Variants in AP4M1 observed in about 807,000 individuals in gnomAD.
The protein encoded by AP4M1 is adaptor related protein complex 4 subunit mu 1.
Under a neutral mutation model 62.4 loss-of-function variants are expected in AP4M1, and 58 were observed. The ratio of observed to expected loss-of-function variants is 0.93; its 90% confidence interval spans 0.75 to 1.16. AP4M1 has a LOEUF of 1.16. Among genes scored for constraint, AP4M1 ranks in the 50% most tolerant of loss-of-function variants. The pLI is 0.00. For synonymous variants in AP4M1, 290 were observed against 239.7 expected, an observed-to-expected ratio of 1.21 and a Z score of -1.94; for missense variants, 626 against 585.4, an observed-to-expected ratio of 1.07 and a Z score of -0.72.
Position 100,108,607 on chromosome 7 carries a change from GGTGACACTC to G in AP4M1, c.*1726_*1734del, listed in dbSNP as rs1458532010. On this transcript the variant is annotated 3_prime_UTR_variant, in exon 15 of 15. Transcript: ENST00000359593. Reference sequence around the variant, plus strand: ...AAAAAAGCCAGGTAGAGGGAGGGCTGGTGACACTCTTGAGAAGAACCTTGGGGATGGGGT... The same window carrying G: ...AAAAAAGCCAGGTAGAGGGAGGGCTGTTGAGAAGAACCTTGGGGATGGGGT... The G allele has an allele frequency of 6.6e-7, 1 of 1,516,614 alleles. No homozygotes were observed. The highest frequency in any genetic ancestry group is 8.9e-7 in the Non-Finnish European group (1 of 1,125,596). The allele number at this position is 1,516,614 out of a possible 1,614,324, so 93.9% of individuals were successfully genotyped here.
At position 100,107,204 on chromosome 7, in the gene AP4M1, A is replaced by G. The variant is rs1050542; in HGVS notation, c.*322A>G. On this transcript the variant is annotated 3_prime_UTR_variant, in exon 15 of 15. Transcript: ENST00000359593. The stretch of plus-strand genomic sequence containing the variant: ...CATGTGTGTACGTGCACGTGTGTAC[A>G]TGTCTGCATGTGTGGGAATCCGGGG... The G allele has an allele frequency of 0.58, 877,540 of 1,518,228 alleles. 258,098 individuals carry two copies. The highest frequency in any genetic ancestry group is 0.87 in the East Asian group (38,311 of 44,080). The allele number at this position is 1,518,228 out of a possible 1,614,324, so 94.0% of individuals were successfully genotyped here. A position where few individuals can be genotyped will look rare whatever the true frequency, so the allele number is the denominator to read the frequency against.
chr7:100,102,632 C>T (rs747819538), intron 2 of AP4M1, 43 bp from the exon 3 acceptor site: 2 of 1,575,732 alleles, frequency 1.3e-6, no homozygotes, highest in African/African-American at 1.3e-5. Flanking sequence ...ATCACTCCAC[C>T]TCCCTTTTTT....
chr7:100,105,675 G>C, intron 11 of AP4M1, 136 bp downstream of exon 11: 2 of 949,636 alleles, frequency 2.1e-6, no homozygotes, highest in Non-Finnish European at 3.3e-6. Context: ...GGTTGCGGCC[G>C]GTGGCTCACA....
Position 100,107,449 on chromosome 7 carries a change from G to T in AP4M1, c.*567G>T, listed in dbSNP as rs371453033. The T allele has an allele frequency of 3.4e-5, 55 of 1,612,766 alleles. No individual in the cohort carries two copies. The highest frequency in any genetic ancestry group is 6.6e-5 in the South Asian group (6 of 91,032). ...CCTTTGCCCTCCCCTGTTGGGGGAA[G>T]TGAGACCACGATGTACTTCTGGACA... On this transcript the variant is annotated 3_prime_UTR_variant, in exon 15 of 15. Transcript: ENST00000359593.
intron 4 of AP4M1, 101 bp downstream of exon 4, chr7:100,103,061 C>CTTTTTTT (rs55764736): frequency 6.8e-5 from 36 of 530,806 alleles, no homozygotes; most frequent in African/African-American, 2.4e-4. Context: ...CCAAGTCTAC[C>CTTTTTTT]TTTTTTTTTT....
upstream of AP4M1, chr7:100,101,400 C>G: frequency 6.1e-6 from 9 of 1,473,560 alleles, no homozygotes; most frequent in Middle Eastern, 1.8e-4. Context: ...CCGAAATTGG[C>G]GCGAAACGTC....
At chr7:100,104,206 C>T in intron 7 of AP4M1, 52 bp downstream of exon 7, 2 of 1,534,860 alleles carry the variant, frequency 1.3e-6, no homozygotes, top group South Asian at 2.2e-5. Context: ...ACTTGGGAAA[C>T]ATGGTGGGGT....
chr7:100,108,507 G>A lies in AP4M1; in HGVS notation c.*1625G>A, dbSNP rs1243610666. ...TAGGCGTCCTGATTGTCAGGCGGTG[G>A]GCGCAGCTTTGCCAGAACAGGAGCA... On this transcript the variant is annotated 3_prime_UTR_variant, in exon 15 of 15. Coordinates refer to ENST00000359593, the MANE Select transcript of AP4M1 (RefSeq NM_004722.4). 12 of 1,612,700 alleles carry A rather than the reference G, an allele frequency of 7.4e-6. No individual in the cohort carries two copies. The highest frequency in any genetic ancestry group is 1.6e-4 in the Middle Eastern group (1 of 6,080).
Position 100,102,506 on chromosome 7 carries a change from A to G in AP4M1, c.148-169A>G, listed in dbSNP as rs1796133723. On this transcript the variant is annotated intron_variant, in intron 2 of 14. Coordinates refer to ENST00000359593, the MANE Select transcript of AP4M1 (RefSeq NM_004722.4). ...CAACTCGGGGTAGTTAGTGTAATTA[A>G]CCCCCTTTCCACATTGGGAAGCTGG... The G allele has an allele frequency of 4.4e-6, 3 of 676,608 alleles. No homozygotes were observed. The South Asian group carries it at 4.9e-5, about 11-fold the overall frequency. The allele number at this position is 676,608 out of a possible 1,614,324, so 41.9% of individuals were successfully genotyped here.
rs750288466 is a variant in AP4M1 at position 100,106,299 on chromosome 7, T to C, written c.1025+8T>C. The C allele has an allele frequency of 1.2e-6, 2 of 1,613,756 alleles. No homozygotes were observed. Among genetic ancestry groups the C allele is most frequent in the Non-Finnish European group, 1.7e-6 (2 of 1,179,768 alleles). ...GCCTCGAGGGGTGGTCAGGTGAGTG[T>C]GTGCACCCACCACGGGGAGATTCCT... On this transcript the variant is annotated splice_region_variant and intron_variant, in intron 13 of 14. Transcript: ENST00000359593.
Position 100,107,780 on chromosome 7 carries a change from T to C in AP4M1, c.*898T>C, listed in dbSNP as rs1331517159. The C allele has an allele frequency of 1.4e-5, 19 of 1,371,876 alleles. No individual in the cohort carries two copies. Among genetic ancestry groups the C allele is most frequent in the Middle Eastern group, 5.0e-4 (2 of 3,992 alleles). The allele number at this position is 1,371,876 out of a possible 1,614,324, so 85.0% of individuals were successfully genotyped here. ...GGAGACCTTGTTCATGCAGGGCAGC[T>C]ACAGCCCTGCAGGACCCTGGTGGGC... On this transcript the variant is annotated 3_prime_UTR_variant, in exon 15 of 15. Transcript: ENST00000359593.
intron 6 of AP4M1, 90 bp downstream of exon 6, chr7:100,103,782 C>A: frequency 7.1e-7 from 1 of 1,412,096 alleles, no homozygotes; most frequent in South Asian, 1.2e-5. Context: ...CGGCTCACGC[C>A]TGTAGTCCCA....
At chr7:100,101,535 CG>C, upstream of AP4M1, 1 of 792,732 alleles carries the variant, frequency 1.3e-6, no homozygotes, top group South Asian at 1.5e-5. Flanking sequence ...GCGGTGCGGG[CG>C]TCGGAAGGGA....
chr7:100,103,647 C>T lies in AP4M1; in HGVS notation c.498C>T (p.Pro166=). The T allele has an allele frequency of 6.2e-7, 1 of 1,613,636 alleles. No homozygotes were observed. ...GAETQQSKVA[P]SSAASRPVLS... is the part of the protein sequence containing the mutation. Reference sequence around the variant, plus strand: ...AGACACAACAGAGCAAAGTGGCCCCCAGCAGTGCAGCCAGCCGCCCCGTCC... The same window carrying T: ...AGACACAACAGAGCAAAGTGGCCCCTAGCAGTGCAGCCAGCCGCCCCGTCC... The change falls in exon 6 of 15, where the codon CCC becomes CCT. Residue 166 remains proline, a synonymous_variant. Coordinates refer to ENST00000359593, the MANE Select transcript of AP4M1 (RefSeq NM_004722.4).
chr7:100,101,051 G>A (rs1048866006), upstream of AP4M1: 2 of 713,508 alleles, frequency 2.8e-6, no homozygotes, highest in Non-Finnish European at 4.5e-6. Context: ...ACCTTTACCA[G>A]GTGGGATTAC....
At chr7:100,101,133 C>T, upstream of AP4M1, 2 of 1,166,154 alleles carry the variant, frequency 1.7e-6, no homozygotes, top group African/African-American at 1.5e-5. Context: ...GGCCGCAGCT[C>T]GACCCTGCCT....
chr7:100,101,119 G>C, upstream of AP4M1: 6 of 1,025,020 alleles, frequency 5.9e-6, no homozygotes, highest in South Asian at 2.8e-5. Context: ...GTGGGCCTTA[G>C]CCAGGCCGCA....
intron 11 of AP4M1, 80 bp from the exon 12 acceptor site, chr7:100,105,879 C>G: frequency 6.5e-7 from 1 of 1,534,790 alleles, no homozygotes. Flanking sequence ...CACACAGCCC[C>G]ACATGGAGGT....
chr7:100,100,839 G>A (rs1233422811), upstream of AP4M1: 7 of 1,008,590 alleles, frequency 6.9e-6, no homozygotes, highest in African/African-American at 1.0e-4. Flanking sequence ...CCGGCGCGCA[G>A]CGGCCCCGGC....
Sources: gnomAD v4.1 joint callset for allele counts on GRCh38, gnomAD v4.1.1 for gene constraint, MANE v1.5 for transcripts, NCBI Gene and HGNC (gene_info 2026-07-23, HGNC 2026-07-21) for gene names.